The following DNAJC1 variants were observed in gnomAD, a reference collection of about 807,000 sequenced individuals.
The protein encoded by DNAJC1 is DnaJ heat shock protein family (Hsp40) member C1.
Under a neutral mutation model 76.6 loss-of-function variants are expected in DNAJC1, and 58 were observed. The observed-to-expected ratio is 0.76, with a 90% CI of 0.61 to 0.94. The LOEUF is 0.94. Among genes scored for constraint, DNAJC1 ranks in the 40% least tolerant of loss-of-function variants. DNAJC1 has a pLI of 0.00. For missense variants in DNAJC1, 689 were observed against 677.3 expected, an observed-to-expected ratio of 1.02 and a Z score of -0.19; for synonymous variants, 258 against 267.9, an observed-to-expected ratio of 0.96 and a Z score of 0.36.
intron 1 of DNAJC1, among the ~76,000 whole-genome samples, chr10:21,979,446 A>C (rs2131835951): frequency 6.6e-6 from 1 of 152,212 alleles, no homozygotes; most frequent in East Asian, 1.9e-4. Flanking sequence ...AAAATGCTAG[A>C]GGAGATTTAA....
intron 8 of DNAJC1, among the ~76,000 whole-genome samples, chr10:21,811,457 C>T (rs1442154869): frequency 6.6e-6 from 1 of 152,196 alleles, no homozygotes; most frequent in Admixed American, 6.5e-5. Context: ...CCCTGCGTGT[C>T]TCCCACAGAC....
chr10:22,000,995 T>C (rs969143761), intron 1 of DNAJC1, among the ~76,000 whole-genome samples: 1 of 152,200 alleles, frequency 6.6e-6, no homozygotes, highest in African/African-American at 2.4e-5. Context: ...CTCCCTAACT[T>C]CTCTCAGAGG....
intron 8 of DNAJC1, among the ~76,000 whole-genome samples, chr10:21,813,216 C>CTA (rs1288966176): frequency 3.8e-3 from 136 of 35,528 alleles, no homozygotes; most frequent in Non-Finnish European, 5.7e-3. Context: ...CTCTCTCTCT[C>CTA]TCTCTATATA....
chr10:21,912,329 A>G (rs540986159), intron 6 of DNAJC1, among the ~76,000 whole-genome samples: 8 of 152,288 alleles, frequency 5.3e-5, no homozygotes, highest in South Asian at 2.1e-4. Flanking sequence ...TGATGAGACT[A>G]TATGTTGCTA....
intron 1 of DNAJC1, among the ~76,000 whole-genome samples, chr10:21,930,708 T>G (rs1371121681): frequency 4.6e-5 from 7 of 152,176 alleles, no homozygotes. Flanking sequence ...TTCATTCTAC[T>G]TTGCTTAATA....
At chr10:21,910,835 A>AGAGGAGAGGAGAGGAGC (rs1836845003) in intron 6 of DNAJC1, among the ~76,000 whole-genome samples, 1 of 51,368 alleles carries the variant, frequency 1.9e-5, no homozygotes, top group Admixed American at 2.3e-4. Context: ...AAGGAAGGAG[A>AGAGGAGAGGAGAGGAGC]GGAGAGGAGA....
intron 1 of DNAJC1, among the ~76,000 whole-genome samples, chr10:21,997,153 TCA>T (rs1272680569): frequency 6.6e-6 from 1 of 152,128 alleles, no homozygotes; most frequent in Non-Finnish European, 1.5e-5. Context: ...AAATTGATAA[TCA>T]CAGTACAAAT....
intron 6 of DNAJC1, among the ~76,000 whole-genome samples, chr10:21,910,229 C>T (rs971100347): frequency 6.6e-6 from 1 of 151,928 alleles, no homozygotes; most frequent in East Asian, 1.9e-4. Context: ...GATTCTCCTG[C>T]CTCAGTCTCC....
At chr10:21,898,992 A>T (rs893461368) in intron 7 of DNAJC1, among the ~76,000 whole-genome samples, 2 of 152,162 alleles carry the variant, frequency 1.3e-5, no homozygotes, top group African/African-American at 4.8e-5. Context: ...CCCATGGAAA[A>T]TGAAGAAAAG....
chr10:21,830,256 A>G (rs991440709), intron 8 of DNAJC1, among the ~76,000 whole-genome samples: 3 of 152,170 alleles, frequency 2.0e-5, no homozygotes, highest in African/African-American at 7.2e-5. Context: ...GCTGAAGCAC[A>G]TCCTTAAGTA....
At chr10:21,853,437 G>A (rs569568162) in intron 8 of DNAJC1, among the ~76,000 whole-genome samples, 10 of 151,994 alleles carry the variant, frequency 6.6e-5, no homozygotes, top group Non-Finnish European at 7.4e-5. Context: ...AACTGACCAC[G>A]TTTATGGAAG....
At chr10:22,000,920 A>T (rs999059769) in intron 1 of DNAJC1, among the ~76,000 whole-genome samples, 1 of 152,204 alleles carries the variant, frequency 6.6e-6, no homozygotes, top group African/African-American at 2.4e-5. Context: ...AAAGCTGTCC[A>T]GTTCATGGCA....
chr10:21,930,738 A>C (rs909714255), intron 1 of DNAJC1, among the ~76,000 whole-genome samples: 2 of 152,214 alleles, frequency 1.3e-5, no homozygotes, highest in African/African-American at 4.8e-5. Flanking sequence ...TGTTCCCTAC[A>C]TAGACTACAG....
chr10:21,852,351 TAC>T (rs961992370), intron 8 of DNAJC1, among the ~76,000 whole-genome samples: 35 of 152,256 alleles, frequency 2.3e-4, no homozygotes, highest in African/African-American at 7.2e-4. Context: ...GCTCAATGGG[TAC>T]AGTTTCCTTT....
chr10:21,829,458 C>T (rs764238255), intron 8 of DNAJC1, among the ~76,000 whole-genome samples: 11 of 152,154 alleles, frequency 7.2e-5, no homozygotes, highest in Admixed American at 2.6e-4. Flanking sequence ...CCTCATGATC[C>T]GCCCACCTCG....
At chr10:21,955,482 C>T (rs1242552159) in intron 1 of DNAJC1, among the ~76,000 whole-genome samples, 1 of 151,980 alleles carries the variant, frequency 6.6e-6, no homozygotes, top group Non-Finnish European at 1.5e-5. Context: ...GAAAATATCA[C>T]CTTTTACTTT....
intron 7 of DNAJC1, among the ~76,000 whole-genome samples, chr10:21,885,255 C>CAT (rs1474431954): frequency 3.9e-5 from 6 of 152,050 alleles, no homozygotes; most frequent in African/African-American, 1.2e-4. Flanking sequence ...AAGGGCAATA[C>CAT]ATAATGGCAA....
chr10:21,867,113 AT>A (rs1305920783), intron 8 of DNAJC1, among the ~76,000 whole-genome samples: 1 of 152,100 alleles, frequency 6.6e-6, no homozygotes, highest in Admixed American at 6.5e-5. Context: ...AGAGATAAAA[AT>A]TGCAAATTAA....
intron 6 of DNAJC1, among the ~76,000 whole-genome samples, chr10:21,908,111 AATAT>A (rs1300237448): frequency 7.2e-5 from 8 of 111,066 alleles, no homozygotes; most frequent in African/African-American, 2.2e-4. Flanking sequence ...TAATATATAA[AATAT>A]ATATATAATA....
Sources: gnomAD v4.1 joint callset for allele counts (sites outside exome capture counted in the v4.1 genomes callset) on GRCh38, gnomAD v4.1.1 for gene constraint, MANE v1.5 for transcripts, NCBI Gene and HGNC (gene_info 2026-07-23, HGNC 2026-07-21) for gene names.